The following ANTXR1 variants were observed in gnomAD, a reference collection of about 807,000 sequenced individuals.
ANTXR1 encodes the protein ANTXR cell adhesion molecule 1.
ANTXR1 carries 19 observed loss-of-function variants against 78.1 expected under a neutral mutation model. The observed-to-expected ratio is 0.24, with a 90% CI of 0.17 to 0.36. The LOEUF (loss-of-function observed/expected upper bound fraction) is 0.36. Ranked by LOEUF, ANTXR1 falls within the 10% of genes least tolerant of loss-of-function variation. The pLI is 1.00. For synonymous variants in ANTXR1, 273 were observed against 260.5 expected, an observed-to-expected ratio of 1.05 and a Z score of -0.46; for missense variants, 518 against 718.6, an observed-to-expected ratio of 0.72 and a Z score of 3.19.
rs923402425 is a variant in ANTXR1 at position 69,146,304 on chromosome 2, T to TC, written c.952-5859dup. Reference sequence around the variant, plus strand: ...CAGCTCCAGTTGCTCATCTGAGAACTCCCCCCACCACTTGCTGTTAAAATT... The same window carrying TC: ...CAGCTCCAGTTGCTCATCTGAGAACTCCCCCCCACCACTTGCTGTTAAAATT... On this transcript the variant is annotated intron_variant, in intron 12 of 17. Coordinates refer to ENST00000303714, the MANE Select transcript of ANTXR1 (RefSeq NM_032208.3). 1.4e-5 allele frequency: 14 copies of TC among 985,368 alleles called. No individual in the cohort carries two copies. In the African/African-American group the frequency reaches 2.1e-4, roughly 15 times the overall value. The allele number at this position is 985,368 out of a possible 1,614,324, so 61.0% of individuals were successfully genotyped here.
chr2:69,094,592 C>G (rs1447748869), intron 9 of ANTXR1, among the ~76,000 whole-genome samples: 1 of 152,190 alleles, frequency 6.6e-6, no homozygotes, highest in Non-Finnish European at 1.5e-5. Flanking sequence ...AGAACAGCCC[C>G]TGCTGTGGAG....
intron 1 of ANTXR1, among the ~76,000 whole-genome samples, chr2:69,021,503 G>A (rs1331352365): frequency 6.6e-6 from 1 of 152,156 alleles, no homozygotes; most frequent in Non-Finnish European, 1.5e-5. Flanking sequence ...CCAGGCTGGT[G>A]GAGATTCCTT....
intron 13 of ANTXR1, among the ~76,000 whole-genome samples, chr2:69,158,072 T>G (rs1477127206): frequency 1.3e-5 from 2 of 152,168 alleles, no homozygotes; most frequent in African/African-American, 4.8e-5. Context: ...GCTGTGAAAA[T>G]TGCCTGTTTG....
At chr2:69,167,187 CA>C (rs1673850106) in intron 13 of ANTXR1, among the ~76,000 whole-genome samples, 1 of 152,214 alleles carries the variant, frequency 6.6e-6, no homozygotes, top group Non-Finnish European at 1.5e-5. Context: ...AGTAAGGCCA[CA>C]TCATGTGGAA....
In ANTXR1 at chr2:69,182,552, T is replaced by C. The variant is rs200017369; in HGVS notation, c.1245T>C (p.Asn415=). The change falls in exon 16 of 18, where the codon AAT becomes AAC. Residue 415 remains asparagine, a synonymous_variant. Transcript: ENST00000303714. ...EEGAKLEKAK[N]ARVKMPEQEY... Reference sequence around the variant, plus strand: ...GTGCTAAGTTGGAAAAGGCAAAGAATGCAAGAGTCAAGATGCCGGAGCAGG... The same window carrying C: ...GTGCTAAGTTGGAAAAGGCAAAGAACGCAAGAGTCAAGATGCCGGAGCAGG... The C allele has an allele frequency of 1.1e-4, 174 of 1,614,210 alleles. 1 individual carries two copies. The East Asian group carries it at 3.5e-3, about 32-fold the overall frequency.
intron 12 of ANTXR1, among the ~76,000 whole-genome samples, chr2:69,131,775 G>C (rs1261204694): frequency 1.3e-5 from 2 of 152,314 alleles, no homozygotes; most frequent in Non-Finnish European, 2.9e-5. Context: ...AGAACAGGGG[G>C]CTCTGAGTTG....
In ANTXR1 at chr2:69,089,401, A is replaced by T. The variant is rs749882830; in HGVS notation, c.643-1458A>T. On this transcript the variant is annotated intron_variant, in intron 8 of 17. Coordinates refer to ENST00000303714, the MANE Select transcript of ANTXR1 (RefSeq NM_032208.3). ...GGGTAAATATTACCTCTTCTGAGAA[A>T]CTGATTTGTTTTCATTCCACAGATT... 6.0e-4 allele frequency among the ~76,000 whole-genome samples: 92 copies of T among 152,234 alleles called. 1 individual carries two copies. The highest frequency in any genetic ancestry group is 1.6e-4 in the Non-Finnish European group (11 of 68,040).
chr2:69,076,057 C>T (rs112839772), intron 7 of ANTXR1, among the ~76,000 whole-genome samples: 4 of 152,174 alleles, frequency 2.6e-5, no homozygotes, highest in East Asian at 3.9e-4. Flanking sequence ...GTGATCCTCC[C>T]GCCTCAGCCT....
At chr2:69,189,938 C>T (rs1227396450) in intron 16 of ANTXR1, among the ~76,000 whole-genome samples, 1 of 152,114 alleles carries the variant, frequency 6.6e-6, no homozygotes, top group Non-Finnish European at 1.5e-5. Context: ...TAAATAGATA[C>T]CCAGATCTGG....
intron 1 of ANTXR1, among the ~76,000 whole-genome samples, chr2:69,027,904 A>G (rs1671397931): frequency 6.6e-6 from 1 of 152,122 alleles, no homozygotes; most frequent in Admixed American, 6.5e-5. Context: ...AAAAAATATG[A>G]AGTGAGAAGG....
intron 3 of ANTXR1, among the ~76,000 whole-genome samples, chr2:69,047,124 G>T (rs1232371267): frequency 6.6e-6 from 1 of 152,164 alleles, no homozygotes; most frequent in African/African-American, 2.4e-5. Context: ...AGTATATGCA[G>T]GTTCTGCAGG....
chr2:69,126,519 A>G (rs561927245), intron 12 of ANTXR1, among the ~76,000 whole-genome samples: 6 of 152,220 alleles, frequency 3.9e-5, no homozygotes, highest in African/African-American at 1.4e-4. Flanking sequence ...AATACTCTAA[A>G]TCAAATAACT....
At chr2:69,053,112 A>G (rs530677407) in intron 3 of ANTXR1, among the ~76,000 whole-genome samples, 44 of 152,242 alleles carry the variant, frequency 2.9e-4, no homozygotes, top group Admixed American at 1.3e-3. Flanking sequence ...TATTTTCTCA[A>G]ATTCCTAAAA....
At chr2:69,136,921 A>G in intron 12 of ANTXR1, among the ~76,000 whole-genome samples, 1 of 152,216 alleles carries the variant, frequency 6.6e-6, no homozygotes, top group South Asian at 2.1e-4. Flanking sequence ...GCTGAAGTCA[A>G]TGCTGTCATG....
intron 17 of ANTXR1, among the ~76,000 whole-genome samples, chr2:69,210,935 CAAAA>C (rs1159790329): frequency 6.9e-5 from 3 of 43,540 alleles, no homozygotes; most frequent in Non-Finnish European, 1.1e-4. Context: ...GACTCCATCA[CAAAA>C]AAAAAAAAAA....
At chr2:69,108,595 T>G (rs1671884698) in intron 10 of ANTXR1, among the ~76,000 whole-genome samples, 2 of 152,166 alleles carry the variant, frequency 1.3e-5, no homozygotes, top group African/African-American at 4.8e-5. Flanking sequence ...CATTAGTTAT[T>G]TTTCCTGATC....
chr2:69,024,575 G>C (rs1394096256), intron 1 of ANTXR1, among the ~76,000 whole-genome samples: 1 of 152,124 alleles, frequency 6.6e-6, no homozygotes, highest in Non-Finnish European at 1.5e-5. Flanking sequence ...TCAATGGGGG[G>C]AAGGGGTGAT....
chr2:69,186,516 G>C (rs1461726016), intron 16 of ANTXR1, among the ~76,000 whole-genome samples: 1 of 152,214 alleles, frequency 6.6e-6, no homozygotes, highest in African/African-American at 2.4e-5. Context: ...ACACTGAAAA[G>C]AGTTGAACTA....
intron 16 of ANTXR1, among the ~76,000 whole-genome samples, chr2:69,185,069 C>T (rs897182708): frequency 6.6e-6 from 1 of 152,198 alleles, no homozygotes; most frequent in Non-Finnish European, 1.5e-5. Context: ...GACTCTTGAG[C>T]TTCTTTTTAG....
Sources: allele counts gnomAD v4.1 joint callset (sites outside exome capture counted in the v4.1 genomes callset), GRCh38; gene constraint gnomAD v4.1.1; transcripts MANE v1.5; gene names NCBI Gene and HGNC (gene_info 2026-07-23, HGNC 2026-07-21).